Variants in SLC35F3 observed in about 807,000 individuals in gnomAD.
SLC35F3 encodes the protein solute carrier family 35 member F3.
Under a neutral mutation model 49.9 loss-of-function variants are expected in SLC35F3, and 25 were observed. The observed-to-expected ratio is 0.50, with a 90% CI of 0.37 to 0.70. The LOEUF is 0.70. SLC35F3 is among the 30% of genes least tolerant of loss of function. The pLI is 0.00. For synonymous variants in SLC35F3, 275 were observed against 265.4 expected, an observed-to-expected ratio of 1.04 and a Z score of -0.35; for missense variants, 525 against 639.8, an observed-to-expected ratio of 0.82 and a Z score of 1.94.
At chr1:234,291,079 T>C (rs994002805) in intron 3 of SLC35F3, among the ~76,000 whole-genome samples, 2 of 152,122 alleles carry the variant, frequency 1.3e-5, no homozygotes, top group African/African-American at 2.4e-5. Flanking sequence ...TTGCTGGAGA[T>C]AGAAGATTTG....
intron 2 of SLC35F3, among the ~76,000 whole-genome samples, chr1:234,184,520 A>T (rs1666605827): frequency 6.6e-6 from 1 of 152,186 alleles, no homozygotes; most frequent in Admixed American, 6.5e-5. Flanking sequence ...ATGAGACCTG[A>T]CATTTTGTCT....
At chr1:234,313,966 C>T (rs1199865979) in intron 4 of SLC35F3, among the ~76,000 whole-genome samples, 1 of 152,230 alleles carries the variant, frequency 6.6e-6, no homozygotes, top group Non-Finnish European at 1.5e-5. Context: ...CACGTTCCAA[C>T]CCTGCTGTGC....
chr1:233,938,362 C>G (rs115100894), intron 2 of SLC35F3, among the ~76,000 whole-genome samples: 3,249 of 152,240 alleles, frequency 0.021, 113 homozygotes, highest in African/African-American at 0.074. Flanking sequence ...GTTATATGGT[C>G]TTTCTGTGGC....
intron 2 of SLC35F3, among the ~76,000 whole-genome samples, chr1:234,081,278 A>G (rs943182712): frequency 6.6e-6 from 1 of 152,248 alleles, no homozygotes; most frequent in Non-Finnish European, 1.5e-5. Context: ...CTAATGCCAT[A>G]CAATAGGTGG....
At chr1:234,021,058 T>C (rs1042126002) in intron 2 of SLC35F3, among the ~76,000 whole-genome samples, 2 of 152,158 alleles carry the variant, frequency 1.3e-5, no homozygotes, top group African/African-American at 4.8e-5. Flanking sequence ...TCAAGGGAAG[T>C]TGAGGCTCAG....
intron 2 of SLC35F3, among the ~76,000 whole-genome samples, chr1:234,171,938 C>CA (rs1300241670): frequency 6.6e-6 from 1 of 152,096 alleles, no homozygotes; most frequent in Non-Finnish European, 1.5e-5. Context: ...ACTGTGGACT[C>CA]AGTTATCCCC....
At chr1:233,953,693 T>A (rs199586115) in intron 2 of SLC35F3, among the ~76,000 whole-genome samples, 14,678 of 152,092 alleles carry the variant, frequency 0.097, 817 homozygotes, top group African/African-American at 0.15. Context: ...CCTGCACAGA[T>A]ACACGCACAT....
intron 3 of SLC35F3, among the ~76,000 whole-genome samples, chr1:234,295,476 GTC>G (rs1668576966): frequency 6.6e-6 from 1 of 152,160 alleles, no homozygotes; most frequent in African/African-American, 2.4e-5. Flanking sequence ...TCAAGTGTCA[GTC>G]TCTCGATTGC....
At chr1:233,916,550 A>G (rs1406468664) in intron 2 of SLC35F3, among the ~76,000 whole-genome samples, 1 of 152,256 alleles carries the variant, frequency 6.6e-6, no homozygotes, top group Non-Finnish European at 1.5e-5. Context: ...AACTTCTTTT[A>G]TAGGTTTATC....
intron 2 of SLC35F3, among the ~76,000 whole-genome samples, chr1:234,131,534 T>C (rs1665736768): frequency 6.6e-6 from 1 of 152,154 alleles, no homozygotes; most frequent in Non-Finnish European, 1.5e-5. Flanking sequence ...GCTGAATAAC[T>C]TAAGCCAAGG....
In SLC35F3 at chr1:234,214,649, C is replaced by T; in HGVS notation, c.284-16768C>T. On this transcript the variant is annotated intron_variant, in intron 2 of 7. Transcript: ENST00000366618. The surrounding 1 kb of genome is among the most constrained non-coding windows in gnomAD (Gnocchi z 8.0). ...ATGCTGCCACCCTGAGGGGGGCTGT[C>T]TGGCTGCGGGGCGCCGGGGCTGGGG... The T allele has an allele frequency of 2.0e-6, 3 of 1,469,012 alleles. No homozygotes were observed. Among genetic ancestry groups the T allele is most frequent in the Non-Finnish European group, 2.7e-6 (3 of 1,104,654 alleles). The allele number at this position is 1,469,012 out of a possible 1,614,324, so 91.0% of individuals were successfully genotyped here.
At chr1:234,314,152 A>G (rs1395073537) in intron 4 of SLC35F3, among the ~76,000 whole-genome samples, 1 of 152,186 alleles carries the variant, frequency 6.6e-6, no homozygotes, top group Non-Finnish European at 1.5e-5. Flanking sequence ...GGAGGAGATC[A>G]GAGTCCCCCG....
intron 3 of SLC35F3, among the ~76,000 whole-genome samples, chr1:234,307,255 C>G (rs557518670): frequency 6.6e-6 from 1 of 152,304 alleles, no homozygotes; most frequent in South Asian, 2.1e-4. Context: ...TCAGTTGAAT[C>G]GGTTTCATGA....
intron 2 of SLC35F3, among the ~76,000 whole-genome samples, chr1:233,960,387 C>T (rs758925528): frequency 7.2e-5 from 11 of 152,136 alleles, no homozygotes; most frequent in East Asian, 1.9e-4. Context: ...CCAATACAAG[C>T]GGCCACTTTT....
intron 2 of SLC35F3, among the ~76,000 whole-genome samples, chr1:234,136,886 C>T (rs760740492): frequency 1.3e-5 from 2 of 152,246 alleles, no homozygotes; most frequent in Non-Finnish European, 2.9e-5. Flanking sequence ...ACCCTCACCA[C>T]AGGGGCCACC....
chr1:234,310,325 C>T (rs924289280), intron 4 of SLC35F3, among the ~76,000 whole-genome samples: 3 of 152,202 alleles, frequency 2.0e-5, no homozygotes, highest in African/African-American at 7.2e-5. Flanking sequence ...TACTTCCGTC[C>T]TTCCCTCATT....
chr1:234,210,606 C>G (rs186921007), intron 2 of SLC35F3, among the ~76,000 whole-genome samples: 1 of 152,298 alleles, frequency 6.6e-6, no homozygotes, highest in Non-Finnish European at 1.5e-5. Context: ...ATTTGTGAAA[C>G]TGAACTTGAG....
chr1:234,114,828 A>G (rs1665460790), intron 2 of SLC35F3, among the ~76,000 whole-genome samples: 2 of 152,174 alleles, frequency 1.3e-5, no homozygotes, highest in Admixed American at 1.3e-4. Flanking sequence ...ATTTCAAAAC[A>G]GTATTTGGAA....
intron 2 of SLC35F3, among the ~76,000 whole-genome samples, chr1:234,056,556 A>G (rs1664459609): frequency 6.6e-6 from 1 of 152,126 alleles, no homozygotes; most frequent in Non-Finnish European, 1.5e-5. Flanking sequence ...GCAACCACTA[A>G]TCTACTTTCT....
Sources: allele counts gnomAD v4.1 joint callset (sites outside exome capture counted in the v4.1 genomes callset), GRCh38; gene constraint gnomAD v4.1.1; non-coding constraint Gnocchi (gnomAD v3.1); transcripts MANE v1.5; gene names NCBI Gene and HGNC (gene_info 2026-07-23, HGNC 2026-07-21).